Variants in HGS observed in about 807,000 individuals in gnomAD.
HGS encodes hepatocyte growth factor-regulated tyrosine kinase substrate.
Under a neutral mutation model 109.7 loss-of-function variants are expected in HGS, and 63 were observed. That is an observed-to-expected ratio of 0.57 (90% CI 0.47 to 0.71). The LOEUF is 0.71. Ranked by LOEUF, HGS falls within the 30% of genes least tolerant of loss-of-function variation. The pLI is 0.00. For missense variants in HGS, 995 were observed against 1,068.3 expected, an observed-to-expected ratio of 0.93 and a Z score of 0.96; for synonymous variants, 546 against 437.3, an observed-to-expected ratio of 1.25 and a Z score of -3.10.
chr17:81,687,205 C>A, intron 4 of HGS, 110 bp downstream of exon 4: 1 of 750,762 alleles, frequency 1.3e-6, no homozygotes, highest in Non-Finnish European at 2.3e-6. Flanking sequence ...GGAAAATGTG[C>A]AGGTGCAGAT....
At chr17:81,684,165 G>A in intron 1 of HGS, 62 bp downstream of exon 1, 7 of 1,397,924 alleles carry the variant, frequency 5.0e-6, no homozygotes, top group Non-Finnish European at 6.6e-6. Context: ...CCGGCGCTGA[G>A]TCAGCGCGGC....
intron 1 of HGS, chr17:81,684,869 G>A (rs1394730452): frequency 6.1e-6 from 6 of 983,008 alleles, no homozygotes; most frequent in African/African-American, 1.7e-5. Flanking sequence ...CCAGCAAGCA[G>A]ACTGAGTATC....
At position 81,691,433 on chromosome 17, in the gene HGS, G is replaced by A. The variant is rs761094741; in HGVS notation, c.538-14G>A. On this transcript the variant is annotated splice_polypyrimidine_tract_variant and intron_variant, in intron 7 of 21. Coordinates refer to ENST00000329138, the MANE Select transcript of HGS (RefSeq NM_004712.5). The surrounding 1 kb of genome is among the most constrained non-coding windows in gnomAD (Gnocchi z 5.3). ...CCAGTGCCTGTGACCAGGCCCGCCC[G>A]CCCCATCTTACAGCACCACTGCCGG... is the stretch of plus-strand genomic sequence containing the variant. The A allele has an allele frequency of 1.7e-5, 28 of 1,613,376 alleles. No homozygotes were observed. The highest frequency in any genetic ancestry group is 1.5e-4 in the South Asian group (14 of 91,066).
In HGS at chr17:81,693,764, G is replaced by T; in HGVS notation, c.840+12G>T. 6.5e-7 allele frequency: 1 copy of T among 1,536,378 alleles called. No homozygotes were observed. Among genetic ancestry groups the T allele is most frequent in the Non-Finnish European group, 8.7e-7 (1 of 1,143,780 alleles). On this transcript the variant is annotated intron_variant, in intron 10 of 21. Coordinates refer to ENST00000329138, the MANE Select transcript of HGS (RefSeq NM_004712.5). ...AGAAGGAGAGGCTGGTAAGCCGGGT[G>T]GGGCGGGGCGGCCTCAGGAGGGGCC...
chr17:81,699,095 T>C (rs116288352), intron 18 of HGS, among the ~76,000 whole-genome samples: 1,584 of 152,226 alleles, frequency 0.01, 21 homozygotes, highest in African/African-American at 0.036. Flanking sequence ...CATGAGTTAA[T>C]TCCAGTACTT....
chr17:81,688,564 G>C lies in HGS; in HGVS notation c.292-140G>C, dbSNP rs1015275055. On this transcript the variant is annotated intron_variant, in intron 4 of 21. Coordinates refer to ENST00000329138, the MANE Select transcript of HGS (RefSeq NM_004712.5). ...GAACAGGTTGGTGCATGGCCCCCAC[G>C]CCCCACTCGGGGGGCCCTCCCTGGC... 1.7e-5 allele frequency: 17 copies of C among 1,009,408 alleles called. No individual in the cohort carries two copies. In the East Asian group the frequency reaches 2.6e-4, roughly 16 times the overall value. The allele number at this position is 1,009,408 out of a possible 1,614,324, so 62.5% of individuals were successfully genotyped here.
intron 6 of HGS, 111 bp from the exon 7 acceptor site, chr17:81,690,563 C>A: frequency 9.3e-7 from 1 of 1,071,442 alleles, no homozygotes; most frequent in Non-Finnish European, 1.3e-6. Flanking sequence ...TGCTCTCGCT[C>A]GTGCTGGGGT....
chr17:81,691,432 C>T lies in HGS; in HGVS notation c.538-15C>T, dbSNP rs112450829. ...CCCAGTGCCTGTGACCAGGCCCGCC[C>T]GCCCCATCTTACAGCACCACTGCCG... is the stretch of plus-strand genomic sequence containing the variant. On this transcript the variant is annotated splice_polypyrimidine_tract_variant and intron_variant, in intron 7 of 21. Transcript: ENST00000329138. This position sits in a 1 kb window ranked among gnomAD's most constrained non-coding sequence, Gnocchi z 5.3. 44 of 1,613,432 alleles carry T rather than the reference C, an allele frequency of 2.7e-5. No individual in the cohort carries two copies. The highest frequency in any genetic ancestry group is 2.4e-4 in the African/African-American group (18 of 74,904).
At chr17:81,685,099 G>A (rs938023200) in intron 1 of HGS, 3 of 982,892 alleles carry the variant, frequency 3.1e-6, no homozygotes, top group Admixed American at 6.2e-5. Flanking sequence ...TTGGAGCCCC[G>A]TTCTGCCCTT....
chr17:81,697,852 C>G (rs2037178704), intron 18 of HGS: 1 of 152,140 alleles, frequency 6.6e-6, no homozygotes, highest in Non-Finnish European at 1.5e-5. Flanking sequence ...TCTGTCATCA[C>G]TCTTTATTTT....
In HGS at chr17:81,695,018, C is replaced by T. The variant is rs773307037; in HGVS notation, c.1070C>T (p.Pro357Leu). 3.9e-5 allele frequency: 63 copies of T among 1,613,928 alleles called. No homozygotes were observed. The highest frequency in any genetic ancestry group is 4.8e-5 in the Non-Finnish European group (57 of 1,180,018). ...TCTGCGCCCGTGCCCCTGACGGAGC[C>T]GGCTGCACAGCCTGGGGAAGGGCAC... ...TPSAPVPLTE[P>L]AAQPGEGHAA... The change falls in exon 13 of 22, where the codon CCG becomes CTG. Residue 357 changes from proline to leucine, a missense_variant. Physicochemically the swap from Pro to Leu is moderately conservative, Grantham distance 98 (BLOSUM62 -3). This residue lies in a region of HGS where 300 missense variants were observed against 235.4 expected (regional missense o/e 1.27). Coordinates refer to ENST00000329138, the MANE Select transcript of HGS (RefSeq NM_004712.5).
rs2037139972 is a variant in HGS, at chr17:81,695,941, C to T, written c.1335C>T (p.Ser445=). 1.3e-6 allele frequency: 2 copies of T among 1,588,026 alleles called. No homozygotes were observed. The highest frequency in any genetic ancestry group is 1.7e-6 in the Non-Finnish European group (2 of 1,163,518). Residue 445 remains serine (S), a synonymous_variant, in exon 15 of 22, where the codon TCC becomes TCT. Coordinates refer to ENST00000329138, the MANE Select transcript of HGS (RefSeq NM_004712.5). ...CGGCCGTGCTCTCACTCTTCCAGTC[C>T]ATCAACGGCATGCACCCGCAGCTGC... ...NDSAVLSLFQ[S]INGMHPQLLE... is the part of the protein sequence containing the mutation.
chr17:81,690,801 CACAA>C, intron 7 of HGS, 59 bp downstream of exon 7: 1 of 1,472,054 alleles, frequency 6.8e-7, no homozygotes. Context: ...CCCTGCCGTG[CACAA>C]GGCCACCGTC....
Position 81,693,664 on chromosome 17 carries a change from A to C in HGS, c.752A>C (p.Lys251Thr), listed in dbSNP as rs1162371668. The stretch of plus-strand genomic sequence containing the variant: ...CCCGCTTGTCCTCAGCTGCCCCCCA[A>C]GAGGGACGAGACGGCCCTGCAGGAG... ...PLSQQSQLPP[K>T]RDETALQEEE... The change falls in exon 10 of 22, where the codon AAG becomes ACG. Residue 251 changes from lysine (K) to threonine (T), a missense_variant. Transcript: ENST00000329138. The C allele has an allele frequency of 6.4e-7, 1 of 1,552,420 alleles. No homozygotes were observed. The highest frequency in any genetic ancestry group is 8.7e-7 in the Non-Finnish European group (1 of 1,146,988).
intron 4 of HGS, 142 bp downstream of exon 4, chr17:81,687,237 A>C (rs886497406): frequency 4.8e-5 from 31 of 651,094 alleles, no homozygotes; most frequent in Non-Finnish European, 7.7e-5. Context: ...GCACTGCGCA[A>C]GCTCGCACTC....
At chr17:81,693,837 A>C in intron 10 of HGS, 33 bp from the exon 11 acceptor site, 1 of 1,570,702 alleles carries the variant, frequency 6.4e-7, no homozygotes, top group Non-Finnish European at 8.6e-7. Flanking sequence ...CGTCACGTGC[A>C]CCCAAGTGAC....
rs779307394 is a variant in HGS, at chr17:81,693,609, A to G, written c.741+28A>G. 8 of 1,535,750 alleles carry G rather than the reference A, an allele frequency of 5.2e-6. No homozygotes were observed. In the South Asian group the frequency reaches 7.0e-5, roughly 13 times the overall value. ...ACTCAGCCCCCTCCGTCCCGTGGGC[A>G]CCTCTTCCCCGGCGCCCCCCCTCAC... On this transcript the variant is annotated intron_variant, in intron 9 of 21. Transcript: ENST00000329138.
At chr17:81,699,363 A>T (rs2037199028) in intron 18 of HGS, among the ~76,000 whole-genome samples, 1 of 152,156 alleles carries the variant, frequency 6.6e-6, no homozygotes, top group Non-Finnish European at 1.5e-5. Context: ...CACTCATTTC[A>T]AATACAGTTT....
At position 81,693,587 on chromosome 17, in the gene HGS, C is replaced by G; in HGVS notation, c.741+6C>G. 4.4e-6 allele frequency: 7 copies of G among 1,589,016 alleles called. No individual in the cohort carries two copies. Among genetic ancestry groups the G allele is most frequent in the Non-Finnish European group, 6.0e-6 (7 of 1,162,336 alleles). On this transcript the variant is annotated splice_donor_region_variant and intron_variant, in intron 9 of 21. Transcript: ENST00000329138. ...CCCTGTCTCAGCAGTCCCAGGTACT[C>G]AGCCCCCTCCGTCCCGTGGGCACCT...
Sources: gnomAD v4.1 joint callset for allele counts (sites outside exome capture counted in the v4.1 genomes callset) on GRCh38, gnomAD v4.1.1 for gene constraint, gnomAD v4.1.1 regional missense constraint, Gnocchi (gnomAD v3.1) non-coding constraint, MANE v1.5 for transcripts, NCBI Gene and HGNC (gene_info 2026-07-23, HGNC 2026-07-21) for gene names.